PTPRN2: variants seen among roughly 807,000 people sequenced by gnomAD.
PTPRN2 encodes protein tyrosine phosphatase receptor type N2.
A neutral mutation model predicts 118.8 loss-of-function variants in PTPRN2; 74 were observed. That is an observed-to-expected ratio of 0.62 (90% CI 0.52 to 0.76). The LOEUF is 0.76. PTPRN2 is among the 30% of genes least tolerant of loss of function. The pLI is 0.00. For synonymous variants in PTPRN2, 641 were observed against 608.0 expected (o/e 1.05, Z -0.80); for missense variants, 1,481 against 1,394.4 (o/e 1.06, Z -0.99).
In PTPRN2 at chr7:157,776,426, CCT is replaced by C. The variant is rs1440057281; in HGVS notation, c.1789-93491_1789-93490del. Among the ~76,000 whole-genome samples the C allele has an allele frequency of 4.8e-4, 61 of 126,184 alleles. 1 individual carries two copies. Among genetic ancestry groups the C allele is most frequent in the South Asian group, 2.9e-4 (1 of 3,424 alleles). The allele number at this position is 126,184 out of a possible 152,430, so 82.8% of individuals were successfully genotyped here. A position where few individuals can be genotyped will look rare whatever the true frequency, so the allele number is the denominator to read the frequency against. ...CCTCCTCCTCCTCCTCTTCCTCCCT[CCT>C]CTGTCTCTCCTCTTCCTCACTCTCC... is the stretch of plus-strand genomic sequence containing the variant. On this transcript the variant is annotated intron_variant, in intron 12 of 22. Coordinates refer to ENST00000389418, the MANE Select transcript of PTPRN2 (RefSeq NM_002847.5).
intron 5 of PTPRN2, among the ~76,000 whole-genome samples, chr7:158,181,454 G>T (rs572312161): frequency 1.3e-5 from 2 of 152,152 alleles, no homozygotes; most frequent in African/African-American, 4.8e-5. Context: ...TGGCTTCATA[G>T]AATTAGTTAG....
chr7:157,791,741 G>A (rs532674155), intron 12 of PTPRN2, among the ~76,000 whole-genome samples: 2 of 152,354 alleles, frequency 1.3e-5, no homozygotes, highest in African/African-American at 4.8e-5. Context: ...CATCAAAAAT[G>A]CTTACATTTG....
intron 11 of PTPRN2, among the ~76,000 whole-genome samples, chr7:158,048,035 G>A (rs541482008): frequency 2.6e-5 from 4 of 152,232 alleles, no homozygotes; most frequent in South Asian, 2.1e-4. Context: ...CAGGGGACCC[G>A]ATGGATATCG....
rs367549210 is a variant in PTPRN2, at chr7:158,097,578, AG to A, written c.1643+13250del. Reference sequence around the variant, plus strand: ...ACAGAGCCCGTCTCACTGTGGACTCAGGGGCTCGTGGGAATGTGTCTTTGGC... The same window carrying A: ...ACAGAGCCCGTCTCACTGTGGACTCAGGGCTCGTGGGAATGTGTCTTTGGC... On this transcript the variant is annotated intron_variant, in intron 10 of 22. Transcript: ENST00000389418. 2.8e-4 allele frequency among the ~76,000 whole-genome samples: 42 copies of A among 152,242 alleles called. 1 individual carries two copies. The East Asian group carries it at 7.4e-3, about 27-fold the overall frequency.
At chr7:157,932,624 AGGGTT>A (rs2128781213) in intron 11 of PTPRN2, among the ~76,000 whole-genome samples, 1 of 150,008 alleles carries the variant, frequency 6.7e-6, no homozygotes, top group African/African-American at 2.5e-5. Context: ...GTTTTACAGT[AGGGTT>A]GGGTCATTCT....
chr7:158,353,732 C>A (rs1192831583), intron 2 of PTPRN2, among the ~76,000 whole-genome samples: 2 of 152,162 alleles, frequency 1.3e-5, no homozygotes, highest in African/African-American at 4.8e-5. Context: ...AAGGCCCCTC[C>A]CCATAACCTG....
intron 11 of PTPRN2, among the ~76,000 whole-genome samples, chr7:157,960,157 G>A (rs1410434033): frequency 2.0e-5 from 3 of 151,412 alleles, no homozygotes; most frequent in African/African-American, 7.3e-5. Flanking sequence ...AAGTGGAACG[G>A]TGGGTACCAG....
chr7:158,429,645 G>A (rs796805932), intron 2 of PTPRN2, among the ~76,000 whole-genome samples: 18 of 152,384 alleles, frequency 1.2e-4, no homozygotes, highest in African/African-American at 4.3e-4. Context: ...CTGTCTGAGA[G>A]GAAAGAACTC....
At chr7:157,703,840 G>A (rs1211488166) in intron 12 of PTPRN2, among the ~76,000 whole-genome samples, 1 of 152,116 alleles carries the variant, frequency 6.6e-6, no homozygotes, top group Non-Finnish European at 1.5e-5. Context: ...GGTTCTCCGG[G>A]GCTGTGGTGA....
intron 11 of PTPRN2, among the ~76,000 whole-genome samples, chr7:158,000,056 T>C (rs1805097833): frequency 6.6e-6 from 1 of 152,000 alleles, no homozygotes. Context: ...CCGGCTAATT[T>C]CTGTATTTTT....
At chr7:157,655,478 A>T (rs978277190) in intron 14 of PTPRN2, among the ~76,000 whole-genome samples, 16 of 152,232 alleles carry the variant, frequency 1.1e-4, no homozygotes, top group Admixed American at 7.8e-4. Context: ...AGGCAAAAAT[A>T]ATTTTTAAAA....
intron 11 of PTPRN2, among the ~76,000 whole-genome samples, chr7:157,952,135 A>C (rs1388633261): frequency 1.3e-5 from 2 of 152,194 alleles, no homozygotes; most frequent in Non-Finnish European, 2.9e-5. Flanking sequence ...TCAAGGCTGC[A>C]CCATGAAGCC....
At chr7:157,945,929 C>T (rs540284129) in intron 11 of PTPRN2, among the ~76,000 whole-genome samples, 1 of 152,248 alleles carries the variant, frequency 6.6e-6, no homozygotes, top group African/African-American at 2.4e-5. Flanking sequence ...CCTTCCTGGA[C>T]ATCCCTACCC....
At chr7:157,862,089 G>C (rs1265878398) in intron 12 of PTPRN2, among the ~76,000 whole-genome samples, 2 of 151,002 alleles carry the variant, frequency 1.3e-5, no homozygotes, top group Non-Finnish European at 2.9e-5. Context: ...GCCGGAGTCT[G>C]TCCTCCCCAT....
In PTPRN2 at chr7:157,590,776, T is replaced by TG. The variant is rs1280454541; in HGVS notation, c.2496+4461dup. On this transcript the variant is annotated intron_variant, in intron 17 of 22. Transcript: ENST00000389418. The surrounding 1 kb of genome is among the most constrained non-coding windows in gnomAD (Gnocchi z 4.0). ...ACCCGTCTTCCAGGCTCCCCCCTTC[T>TG]GGACCCATGGGCCCCTGTACAGCAT... Among the ~76,000 whole-genome samples the TG allele has an allele frequency of 1.3e-5, 2 of 152,156 alleles. No homozygotes were observed. The highest frequency in any genetic ancestry group is 2.9e-5 in the Non-Finnish European group (2 of 68,026).
At chr7:158,557,142 G>A (rs1385044364) in intron 1 of PTPRN2, among the ~76,000 whole-genome samples, 12 of 132,360 alleles carry the variant, frequency 9.1e-5, no homozygotes, top group South Asian at 2.5e-4. Context: ...GGCGGCTCCC[G>A]GGCAGGGCAG....
rs562698931 is a variant in PTPRN2 at position 157,565,801 on chromosome 7, C to T, written c.2902+3101G>A. Among the ~76,000 whole-genome samples the T allele has an allele frequency of 5.9e-5, 9 of 152,310 alleles. No individual in the cohort carries two copies. In the East Asian group the frequency reaches 1.5e-3, roughly 26 times the overall value. ...TGTTTTGCTACATGTGAGCCAAGCC[C>T]TTCAATGAGAGAGGAACAGGCTACC... On this transcript the variant is annotated intron_variant, in intron 21 of 22. Coordinates refer to ENST00000389418, the MANE Select transcript of PTPRN2 (RefSeq NM_002847.5).
intron 12 of PTPRN2, among the ~76,000 whole-genome samples, chr7:157,879,708 C>T (rs973466901): frequency 6.6e-6 from 1 of 151,968 alleles, no homozygotes; most frequent in African/African-American, 2.4e-5. Context: ...TCTAAGAGGC[C>T]CATGCCAGAA....
chr7:158,491,316 G>T (rs1419524779), intron 1 of PTPRN2, among the ~76,000 whole-genome samples: 1 of 152,138 alleles, frequency 6.6e-6, no homozygotes, highest in East Asian at 1.9e-4. Context: ...CCTAGGTGCA[G>T]CCCTGGCCTG....
Sources: allele counts gnomAD v4.1 joint callset (sites outside exome capture counted in the v4.1 genomes callset), GRCh38; gene constraint gnomAD v4.1.1; non-coding constraint Gnocchi (gnomAD v3.1); transcripts MANE v1.5; gene names NCBI Gene and HGNC (gene_info 2026-07-23, HGNC 2026-07-21).